WDR93: variants seen among roughly 807,000 people sequenced by gnomAD.
WDR93 encodes the protein WD repeat domain 93.
Under a neutral mutation model 82.9 loss-of-function variants are expected in WDR93, and 73 were observed. The ratio of observed to expected loss-of-function variants is 0.88; its 90% CI spans 0.73 to 1.07. WDR93 has a LOEUF of 1.07. WDR93 is among the 50% of genes least tolerant of loss of function. The pLI, the probability that WDR93 is intolerant of heterozygous loss-of-function variation, is 0.00. For synonymous variants in WDR93, 283 were observed against 300.1 expected, an observed-to-expected ratio of 0.94 and a Z score of 0.59; for missense variants, 738 against 826.0, an observed-to-expected ratio of 0.89 and a Z score of 1.31.
chr15:89,724,879 A>C (rs578064589), intron 8 of WDR93, among the ~76,000 whole-genome samples: 25 of 152,344 alleles, frequency 1.6e-4, no homozygotes, highest in African/African-American at 5.3e-4. Flanking sequence ...AAACTGGTAC[A>C]ACCACTTTGG....
At chr15:89,714,500 A>G (rs1222068690) in intron 5 of WDR93, among the ~76,000 whole-genome samples, 1 of 151,700 alleles carries the variant, frequency 6.6e-6, no homozygotes, top group African/African-American at 2.4e-5. Flanking sequence ...TAATTTTTGT[A>G]TTTTTAGTAG....
chr15:89,717,045 C>CA, intron 7 of WDR93, 96 bp downstream of exon 7: 1 of 170,846 alleles, frequency 5.9e-6, no homozygotes, highest in Non-Finnish European at 9.0e-6. Context: ...CTTTTTCTTT[C>CA]TTTTTTTTTT....
chr15:89,696,122 G>C (rs1057154190), intron 1 of WDR93, among the ~76,000 whole-genome samples: 3 of 152,052 alleles, frequency 2.0e-5, no homozygotes, highest in Non-Finnish European at 2.9e-5. Flanking sequence ...CAGCCATGCT[G>C]TCCTTTTTGA....
chr15:89,722,130 C>A lies in WDR93; in HGVS notation c.871C>A (p.Pro291Thr). 5.6e-6 allele frequency: 9 copies of A among 1,602,504 alleles called. No individual in the cohort carries two copies. Among genetic ancestry groups the A allele is most frequent in the Non-Finnish European group, 7.7e-6 (9 of 1,174,144 alleles). The change falls in exon 8 of 17, where the codon CCT becomes ACT. Residue 291 changes from proline to threonine, a missense_variant. Physicochemically the swap from Pro to Thr is conservative, Grantham distance 38. Coordinates refer to ENST00000268130, the MANE Select transcript of WDR93 (RefSeq NM_020212.2). ...VYIMKIKPPK[P>T]VTGTTFKSPL... ...CATAATGAAGATCAAACCACCTAAG[C>A]CTGTTACAGGTAAGTGTGATTCAAA... is the stretch of plus-strand genomic sequence containing the variant.
intron 16 of WDR93, among the ~76,000 whole-genome samples, chr15:89,741,159 G>C (rs1279994132): frequency 6.6e-6 from 1 of 152,102 alleles, no homozygotes; most frequent in South Asian, 2.1e-4. Context: ...AAATAAATAA[G>C]TGTTAAATAT....
At chr15:89,713,413 C>G (rs1316070614) in intron 5 of WDR93, among the ~76,000 whole-genome samples, 3 of 151,732 alleles carry the variant, frequency 2.0e-5, no homozygotes, top group Non-Finnish European at 2.9e-5. Context: ...ATATTGGCCT[C>G]TATTTTATAC....
chr15:89,738,735 A>G (rs1172294361), intron 16 of WDR93, among the ~76,000 whole-genome samples: 7 of 152,118 alleles, frequency 4.6e-5, no homozygotes, highest in Non-Finnish European at 1.0e-4. Context: ...AAGAGTCATT[A>G]ATTCAGGCTG....
chr15:89,709,430 C>A (rs1428903706), intron 4 of WDR93, among the ~76,000 whole-genome samples: 2 of 151,452 alleles, frequency 1.3e-5, no homozygotes, highest in African/African-American at 4.9e-5. Flanking sequence ...CTAATAAAGG[C>A]CTTAAATAAT....
intron 8 of WDR93, among the ~76,000 whole-genome samples, chr15:89,726,437 T>A (rs1567120781): frequency 2.6e-5 from 4 of 152,230 alleles, no homozygotes; most frequent in South Asian, 2.1e-4. Flanking sequence ...AAAACTGGTG[T>A]CTGCCTCTAG....
chr15:89,715,879 C>A (rs1306887892), intron 6 of WDR93, among the ~76,000 whole-genome samples: 1 of 152,132 alleles, frequency 6.6e-6, no homozygotes, highest in Non-Finnish European at 1.5e-5. Flanking sequence ...CCATCGCACC[C>A]GGCCTGTGCT....
At chr15:89,703,306 T>TA in intron 3 of WDR93, 164 bp downstream of exon 3, 1 of 715,106 alleles carries the variant, frequency 1.4e-6, no homozygotes, top group Non-Finnish European at 2.3e-6. Context: ...TCAGATACTG[T>TA]TCTACCATTT....
rs8042669 is a variant in WDR93 at position 89,722,833 on chromosome 15, G to A, written c.880+694G>A. ...ATCTATAAGAATGTTCACCCCTGGT[G>A]GACTAGTAGTTACGATTAAAAAAAA... is the stretch of plus-strand genomic sequence containing the variant. On this transcript the variant is annotated intron_variant, in intron 8 of 16. Transcript: ENST00000268130. Among the ~76,000 whole-genome samples the A allele has an allele frequency of 4.5e-3, 670 of 147,952 alleles. 8 individuals are homozygous for A. Among genetic ancestry groups the A allele is most frequent in the African/African-American group, 0.016 (638 of 39,400 alleles).
At position 89,727,160 on chromosome 15, in the gene WDR93, C is replaced by T. The variant is rs542432163; in HGVS notation, c.884C>T (p.Thr295Ile). Reference protein sequence around the residue: ...KIKPPKPVTGTTFKSPLEVFA... With the variant: ...KIKPPKPVTGITFKSPLEVFA... ...TTCTGTAATATTTTCAACCTAGGCA[C>T]CACATTCAAAAGCCCCCTGGAAGTC... The change falls in exon 9 of 17, where the codon ACC (threonine) becomes ATC (isoleucine). Residue 295 changes from threonine (T) to isoleucine (I), a missense_variant. Coordinates refer to ENST00000268130, the MANE Select transcript of WDR93 (RefSeq NM_020212.2). The T allele has an allele frequency of 1.2e-5, 19 of 1,613,344 alleles. No individual in the cohort carries two copies. Among genetic ancestry groups the T allele is most frequent in the Admixed American group, 6.7e-5 (4 of 59,938 alleles).
chr15:89,716,518 C>T (rs1222782277), intron 6 of WDR93, among the ~76,000 whole-genome samples: 1 of 152,196 alleles, frequency 6.6e-6, no homozygotes, highest in Non-Finnish European at 1.5e-5. Flanking sequence ...ATGCCAGTTA[C>T]AGTGGTAGTT....
At position 89,729,026 on chromosome 15, in the gene WDR93, G is replaced by A. The variant is rs375631393; in HGVS notation, c.1056G>A (p.Thr352=). 32 of 1,614,030 alleles carry A rather than the reference G, an allele frequency of 2.0e-5. No homozygotes were observed. The highest frequency in any genetic ancestry group is 1.7e-4 in the African/African-American group (13 of 75,012). The part of the protein sequence containing the change: ...DREWEEEPLS[T]ATFYFLLPSC... ...CTCGTGTGTCTTTCTTTCCCAGTACGGCCACCTTCTATTTCCTTCTTCCTA... is the reference window on the plus strand; with the variant it reads ...CTCGTGTGTCTTTCTTTCCCAGTACAGCCACCTTCTATTTCCTTCTTCCTA... The change falls in exon 10 of 17, where the codon ACG becomes ACA. Residue 352 remains threonine, a synonymous_variant. Transcript: ENST00000268130.
At chr15:89,699,922 G>A (rs930809010) in intron 1 of WDR93, among the ~76,000 whole-genome samples, 2 of 152,030 alleles carry the variant, frequency 1.3e-5, no homozygotes, top group Non-Finnish European at 2.9e-5. Context: ...TTAGTTGATC[G>A]ATTTTTCTCT....
At chr15:89,700,302 G>A (rs1414048144) in intron 1 of WDR93, among the ~76,000 whole-genome samples, 1 of 152,028 alleles carries the variant, frequency 6.6e-6, no homozygotes, top group Non-Finnish European at 1.5e-5. Context: ...TACTTCAGGT[G>A]GTTCTTCCCC....
chr15:89,730,157 T>C (rs1414754224), intron 11 of WDR93, among the ~76,000 whole-genome samples: 1 of 152,018 alleles, frequency 6.6e-6, no homozygotes, highest in Non-Finnish European at 1.5e-5. Flanking sequence ...AAACCCCATC[T>C]CTACTAAAAA....
intron 1 of WDR93, among the ~76,000 whole-genome samples, chr15:89,698,179 C>T (rs566873486): frequency 3.3e-5 from 5 of 152,170 alleles, no homozygotes; most frequent in East Asian, 1.9e-4. Context: ...CCACTGCACC[C>T]GGCCCACTTT....
Sources: gnomAD v4.1 joint callset for allele counts (sites outside exome capture counted in the v4.1 genomes callset) on GRCh38, gnomAD v4.1.1 for gene constraint, MANE v1.5 for transcripts, NCBI Gene and HGNC (gene_info 2026-07-23, HGNC 2026-07-21) for gene names.